Variants in TRPC1 observed in about 807,000 individuals in gnomAD.
TRPC1 encodes the protein short transient receptor potential channel 1.
A neutral mutation model predicts 88.2 loss-of-function variants in TRPC1; 42 were observed. That is an observed-to-expected ratio of 0.48 (90% CI 0.37 to 0.62). TRPC1 has a LOEUF of 0.62. TRPC1 is among the 20% of genes least tolerant of loss of function. The pLI is 0.00. For synonymous variants in TRPC1, 288 were observed against 331.8 expected (o/e 0.87, Z 1.43); for missense variants, 699 against 957.3 (o/e 0.73, Z 3.56).
intron 2 of TRPC1, among the ~76,000 whole-genome samples, chr3:142,737,215 C>T (rs1280143575): frequency 6.2e-5 from 9 of 145,948 alleles, no homozygotes; most frequent in Admixed American, 5.4e-4. Flanking sequence ...TTAATTCTAC[C>T]TCTTTTTTTT....
At chr3:142,761,259 G>GGTT (rs963201095) in intron 4 of TRPC1, among the ~76,000 whole-genome samples, 3 of 151,688 alleles carry the variant, frequency 2.0e-5, no homozygotes, top group East Asian at 3.9e-4. Flanking sequence ...GGGTTTTTTT[G>GGTT]GTTGTTGTTG....
At chr3:142,747,687 T>A (rs1396424575) in intron 3 of TRPC1, among the ~76,000 whole-genome samples, 1 of 152,218 alleles carries the variant, frequency 6.6e-6, no homozygotes, top group Non-Finnish European at 1.5e-5. Flanking sequence ...GCATTATTGT[T>A]AATTTTTTGG....
rs1191910029 is a variant in TRPC1 at position 142,784,970 on chromosome 3, T to C, written c.1227T>C (p.Asn409=). The change falls in exon 7 of 13, where the codon AAT becomes AAC. Residue 409 remains asparagine, a synonymous_variant. Transcript: ENST00000476941. ...TTAATCTATACTCTCTTGTCTACAA[T>C]GAGGATAAGAAAAACACAATGGGGC... ...LLLNLYSLVY[N]EDKKNTMGPA... 6.2e-7 allele frequency: 1 copy of C among 1,613,866 alleles called. No homozygotes were observed. Among genetic ancestry groups the C allele is most frequent in the East Asian group, 2.2e-5 (1 of 44,830 alleles).
intron 1 of TRPC1, among the ~76,000 whole-genome samples, chr3:142,735,046 G>C (rs1182231088): frequency 6.6e-6 from 1 of 151,904 alleles, no homozygotes; most frequent in African/African-American, 2.4e-5. Flanking sequence ...GTGTCTGTCT[G>C]ATAAGGTTTT....
chr3:142,724,746 C>G lies in TRPC1; in HGVS notation c.172+15C>G. 1 of 1,552,136 alleles carries G rather than the reference C, an allele frequency of 6.4e-7. No homozygotes were observed. Among genetic ancestry groups the G allele is most frequent in the Non-Finnish European group, 8.7e-7 (1 of 1,143,130 alleles). On this transcript the variant is annotated intron_variant, in intron 1 of 12. Coordinates refer to ENST00000476941, the MANE Select transcript of TRPC1 (RefSeq NM_001251845.2). This position sits in a 1 kb window ranked among gnomAD's most constrained non-coding sequence, Gnocchi z 5.6. ...GTGCGACAAGGGTGAGAGTTAGGCC[C>G]CTTTCTCCTCTGGACGCCCCTGTCC...
rs1416494675 is a variant in TRPC1, at chr3:142,776,984, A to G, written c.633-648A>G. On this transcript the variant is annotated intron_variant, in intron 4 of 12. Transcript: ENST00000476941. The surrounding 1 kb of genome is among the most constrained non-coding windows in gnomAD (Gnocchi z 4.1). Reference sequence around the variant, plus strand: ...AGTCATCAAATCCACATCATATTAAAAATTTATGTTATTAGCATATTTTAT... The same window carrying G: ...AGTCATCAAATCCACATCATATTAAGAATTTATGTTATTAGCATATTTTAT... Among the ~76,000 whole-genome samples the G allele has an allele frequency of 1.3e-5, 2 of 151,968 alleles. No homozygotes were observed. Among genetic ancestry groups the G allele is most frequent in the Non-Finnish European group, 2.9e-5 (2 of 68,000 alleles).
At chr3:142,751,901 T>C (rs1934779479) in intron 4 of TRPC1, among the ~76,000 whole-genome samples, 1 of 152,240 alleles carries the variant, frequency 6.6e-6, no homozygotes. Flanking sequence ...CAAAGAGATC[T>C]GTGTTTCTCT....
At chr3:142,773,540 C>T (rs977464296) in intron 4 of TRPC1, among the ~76,000 whole-genome samples, 1 of 150,268 alleles carries the variant, frequency 6.7e-6, no homozygotes, top group African/African-American at 2.4e-5. Context: ...GTGGCTTATG[C>T]CTGTATCCCA....
At chr3:142,772,567 G>A (rs569942622) in intron 4 of TRPC1, among the ~76,000 whole-genome samples, 4 of 152,220 alleles carry the variant, frequency 2.6e-5, no homozygotes, top group South Asian at 2.1e-4. Context: ...AGGCTAAGGC[G>A]GGTGAATCAC....
chr3:142,799,400 T>G (rs1222770735), intron 9 of TRPC1, among the ~76,000 whole-genome samples: 1 of 152,200 alleles, frequency 6.6e-6, no homozygotes, highest in Non-Finnish European at 1.5e-5. Context: ...CTGTTTTTAA[T>G]ATTTGCCTTT....
At chr3:142,744,357 G>T (rs143805031) in intron 3 of TRPC1, among the ~76,000 whole-genome samples, 2 of 152,058 alleles carry the variant, frequency 1.3e-5, no homozygotes, top group African/African-American at 4.8e-5. Flanking sequence ...CATAAGAAAG[G>T]TGTTCATATG....
At chr3:142,781,091 C>T in intron 6 of TRPC1, 62 bp downstream of exon 6, 1 of 1,396,890 alleles carries the variant, frequency 7.2e-7, no homozygotes, top group Non-Finnish European at 9.5e-7. Context: ...TGGCTCAGGG[C>T]AAAGGCTTTG....
chr3:142,744,950 T>G (rs1194759156), intron 3 of TRPC1, among the ~76,000 whole-genome samples: 2 of 152,186 alleles, frequency 1.3e-5, no homozygotes, highest in Non-Finnish European at 2.9e-5. Context: ...TAAGAGAGAA[T>G]TATAAATTGG....
intron 4 of TRPC1, among the ~76,000 whole-genome samples, chr3:142,750,066 A>G (rs1289022032): frequency 6.6e-6 from 1 of 152,228 alleles, no homozygotes; most frequent in Admixed American, 6.5e-5. Flanking sequence ...GCCAAAATTG[A>G]CAAATGGGAT....
At chr3:142,804,399 A>G (rs757100211) in intron 11 of TRPC1, 37 bp from the exon 12 acceptor site, 30 of 1,552,486 alleles carry the variant, frequency 1.9e-5, no homozygotes, top group Admixed American at 7.5e-5. Flanking sequence ...GTGTGTATTA[A>G]TATTCTAGTT....
chr3:142,737,762 A>T (rs187914139), intron 2 of TRPC1, among the ~76,000 whole-genome samples: 65 of 152,326 alleles, frequency 4.3e-4, no homozygotes, highest in African/African-American at 1.5e-3. Flanking sequence ...ATTAAGGCTT[A>T]TAACAATGGT....
intron 4 of TRPC1, among the ~76,000 whole-genome samples, chr3:142,760,175 A>G (rs1486831000): frequency 6.6e-6 from 1 of 152,160 alleles, no homozygotes; most frequent in Non-Finnish European, 1.5e-5. Flanking sequence ...GGCCCAGACC[A>G]GTGTCCTGAA....
intron 2 of TRPC1, among the ~76,000 whole-genome samples, chr3:142,742,197 A>G (rs974022869): frequency 3.3e-5 from 5 of 152,098 alleles, no homozygotes; most frequent in African/African-American, 9.7e-5. Context: ...TAAATGAAAT[A>G]TTTAATAGTA....
chr3:142,794,302 T>C (rs915647783), intron 9 of TRPC1, among the ~76,000 whole-genome samples: 18 of 152,058 alleles, frequency 1.2e-4, no homozygotes, highest in African/African-American at 4.1e-4. Context: ...GTTTCTATAC[T>C]GGAAATTTCT....
Sources: gnomAD v4.1 joint callset for allele counts (sites outside exome capture counted in the v4.1 genomes callset) on GRCh38, gnomAD v4.1.1 for gene constraint, Gnocchi (gnomAD v3.1) non-coding constraint, MANE v1.5 for transcripts, NCBI Gene and HGNC (gene_info 2026-07-23, HGNC 2026-07-21) for gene names.